TP53BP2: variants seen among roughly 807,000 people sequenced by gnomAD.
The protein encoded by TP53BP2 is apoptosis-stimulating of p53 protein 2.
A neutral mutation model predicts 126.2 loss-of-function variants in TP53BP2; 62 were observed. The observed-to-expected ratio is 0.49, with a 90% CI of 0.40 to 0.61. The LOEUF is 0.61. Among genes scored for constraint, TP53BP2 ranks in the 20% least tolerant of loss-of-function variants. The pLI is 0.00. For missense variants in TP53BP2, 1,215 were observed against 1,402.8 expected, an observed-to-expected ratio of 0.87 and a Z score of 2.14; for synonymous variants, 485 against 502.9, an observed-to-expected ratio of 0.96 and a Z score of 0.48.
At chr1:223,788,850 G>A (rs1394369865) in intron 16 of TP53BP2, among the ~76,000 whole-genome samples, 158 bp downstream of exon 16, 1 of 152,190 alleles carries the variant, frequency 6.6e-6, no homozygotes, top group African/African-American at 2.4e-5. Context: ...ACAAACAGAA[G>A]CTGTATTATC....
intron 1 of TP53BP2, among the ~76,000 whole-genome samples, chr1:223,839,644 T>C (rs1262810403): frequency 1.3e-5 from 2 of 152,190 alleles, no homozygotes; most frequent in Admixed American, 1.3e-4. Context: ...GAAAAACAAC[T>C]GAAGTGAAAG....
In TP53BP2 at chr1:223,808,654, A is replaced by T. The variant is rs183523065; in HGVS notation, c.373-1707T>A. Among the ~76,000 whole-genome samples, 48 of 151,994 alleles carry T rather than the reference A, an allele frequency of 3.2e-4. 3 individuals are homozygous for T. The East Asian group carries it at 8.9e-3, about 28-fold the overall frequency. On this transcript the variant is annotated intron_variant, in intron 4 of 17. Coordinates refer to ENST00000343537, the MANE Select transcript of TP53BP2 (RefSeq NM_001031685.3). ...AACTACAAAACTTCCAAAAGAAAAC[A>T]AAGGAAAAAAAAATCTCTATGACCC... is the stretch of plus-strand genomic sequence containing the variant.
chr1:223,809,042 T>C (rs1355211786), intron 4 of TP53BP2, among the ~76,000 whole-genome samples: 2 of 152,084 alleles, frequency 1.3e-5, no homozygotes, highest in African/African-American at 2.4e-5. Context: ...GGAAACACTT[T>C]GCAGCTTTTT....
intron 3 of TP53BP2, among the ~76,000 whole-genome samples, chr1:223,811,908 A>G (rs189335952): frequency 6.6e-6 from 1 of 152,306 alleles, no homozygotes; most frequent in African/African-American, 2.4e-5. Flanking sequence ...GAAACTGCAT[A>G]TTGCACTATT....
chr1:223,780,828 T>A lies in TP53BP2; in HGVS notation c.*25A>T. On this transcript the variant is annotated 3_prime_UTR_variant, in exon 18 of 18. Transcript: ENST00000343537. ...CTTCTTAACAGAGATTAATTCTTCA[T>A]TGACTAAAATTCTGTGTGGAAGTTT... 1 of 1,611,074 alleles carries A rather than the reference T, an allele frequency of 6.2e-7. No homozygotes were observed. The highest frequency in any genetic ancestry group is 8.5e-7 in the Non-Finnish European group (1 of 1,179,042).
intron 14 of TP53BP2, 120 bp from the exon 15 acceptor site, chr1:223,792,642 A>G (rs1228448156): frequency 3.0e-6 from 3 of 1,009,038 alleles, no homozygotes; most frequent in Non-Finnish European, 4.2e-6. Context: ...TTTAAAAATC[A>G]TAATTAAAAC....
Position 223,845,282 on chromosome 1 carries a change from CA to C in TP53BP2, c.27+371del, listed in dbSNP as rs926625407. ...CACTCCAGTAAAAAGTAAAAAGACA[CA>C]GCAAAGAACAAGGTCCCCGGTTCCC... On this transcript the variant is annotated intron_variant, in intron 1 of 17. Coordinates refer to ENST00000343537, the MANE Select transcript of TP53BP2 (RefSeq NM_001031685.3). 7.3e-5 allele frequency: 72 copies of C among 983,814 alleles called. No homozygotes were observed. The African/African-American group carries it at 1.2e-3, about 16-fold the overall frequency. 60.9% of individuals were successfully genotyped at this position (983,814 alleles called of 1,614,324 possible).
At chr1:223,797,612 T>C (rs1558092757) in intron 12 of TP53BP2, among the ~76,000 whole-genome samples, 2 of 152,070 alleles carry the variant, frequency 1.3e-5, no homozygotes, top group South Asian at 2.1e-4. Flanking sequence ...GGCTTCTCCA[T>C]GTTGGTCAGG....
chr1:223,834,225 A>G (rs1663843322), intron 1 of TP53BP2, among the ~76,000 whole-genome samples: 1 of 152,212 alleles, frequency 6.6e-6, no homozygotes, highest in African/African-American at 2.4e-5. Context: ...AGTGATTTAC[A>G]ACATGCAATT....
chr1:223,816,001 C>T (rs766288191), intron 2 of TP53BP2, among the ~76,000 whole-genome samples: 2 of 152,182 alleles, frequency 1.3e-5, no homozygotes, highest in Non-Finnish European at 2.9e-5. Context: ...TTTCTCGGCA[C>T]GTATCACCAT....
At chr1:223,826,348 G>A (rs555372427) in intron 1 of TP53BP2, among the ~76,000 whole-genome samples, 2 of 152,284 alleles carry the variant, frequency 1.3e-5, no homozygotes, top group Admixed American at 6.5e-5. Context: ...ATAGATCTGG[G>A]TTGGAGACTG....
At chr1:223,828,708 C>T (rs1188295343) in intron 1 of TP53BP2, among the ~76,000 whole-genome samples, 2 of 152,134 alleles carry the variant, frequency 1.3e-5, no homozygotes, top group East Asian at 1.9e-4. Context: ...GAAAATATTA[C>T]GCTAAGTGAT....
intron 3 of TP53BP2, 61 bp downstream of exon 3, chr1:223,814,179 A>G: frequency 7.9e-7 from 1 of 1,260,034 alleles, no homozygotes; most frequent in Non-Finnish European, 1.2e-6. Flanking sequence ...TGTGCCACCT[A>G]CTACTCCCAG....
rs1663731297 is a variant in TP53BP2 at position 223,831,522 on chromosome 1, C to T, written c.28-10155G>A. Among the ~76,000 whole-genome samples, 3 of 104,226 alleles carry T rather than the reference C, an allele frequency of 2.9e-5. No homozygotes were observed. The Admixed American group carries it at 3.3e-4, about 11-fold the overall frequency. 68.4% of individuals were successfully genotyped at this position (104,226 alleles called of 152,430 possible). A position where few individuals can be genotyped will look rare whatever the true frequency, so the allele number is the denominator to read the frequency against. On this transcript the variant is annotated intron_variant, in intron 1 of 17. Coordinates refer to ENST00000343537, the MANE Select transcript of TP53BP2 (RefSeq NM_001031685.3). ...ATATATATATATATATATATACTGACCTGTATGAAATACACAGAAAATCAG... is the reference window on the plus strand; with the variant it reads ...ATATATATATATATATATATACTGATCTGTATGAAATACACAGAAAATCAG...
intron 1 of TP53BP2, 75 bp downstream of exon 1, chr1:223,845,579 G>T: frequency 4.9e-6 from 7 of 1,434,222 alleles, no homozygotes; most frequent in East Asian, 6.0e-5. Flanking sequence ...CGACGCGCCC[G>T]AGGGCGCGGA....
At chr1:223,809,441 C>T (rs1372411823) in intron 4 of TP53BP2, among the ~76,000 whole-genome samples, 1 of 151,956 alleles carries the variant, frequency 6.6e-6, no homozygotes, top group African/African-American at 2.4e-5. Context: ...GTCACAGGCA[C>T]CTGTAATCCC....
chr1:223,817,757 C>T (rs1008565345), intron 2 of TP53BP2, among the ~76,000 whole-genome samples: 22 of 151,882 alleles, frequency 1.4e-4, no homozygotes, highest in African/African-American at 5.1e-4. Context: ...GAAACTCCAT[C>T]TCTACTAAAA....
chr1:223,844,221 A>C (rs891494546), intron 1 of TP53BP2, among the ~76,000 whole-genome samples: 11 of 152,210 alleles, frequency 7.2e-5, no homozygotes, highest in Admixed American at 4.6e-4. Context: ...AATCAGAAGA[A>C]CCATACTGCT....
rs1262917509 is a variant in TP53BP2, at chr1:223,845,681, G to A, written c.-1C>T. 4 of 1,548,140 alleles carry A rather than the reference G, an allele frequency of 2.6e-6. No homozygotes were observed. Among genetic ancestry groups the A allele is most frequent in the Admixed American group, 1.9e-5 (1 of 53,308 alleles). On this transcript the variant is annotated 5_prime_UTR_variant, in exon 1 of 18. Coordinates refer to ENST00000343537, the MANE Select transcript of TP53BP2 (RefSeq NM_001031685.3). ...GCATCATCTTGGACCCGAACCGCAT[G>A]GAAGCGGGTGGCCAGACTGCGGCCC...
Sources: allele counts gnomAD v4.1 joint callset (sites outside exome capture counted in the v4.1 genomes callset), GRCh38; gene constraint gnomAD v4.1.1; transcripts MANE v1.5; gene names NCBI Gene and HGNC (gene_info 2026-07-23, HGNC 2026-07-21).